AKR1C8: variants seen among roughly 807,000 people sequenced by gnomAD.
AKR1C8 encodes the protein aldo-keto reductase family 1 member C8.
chr10:5,117,188 C>A, the AKR1C8 span, among the ~76,000 whole-genome samples: 2 of 150,940 alleles, frequency 1.3e-5, no homozygotes, highest in Non-Finnish European at 2.9e-5. Context: ...CATGAGTCTA[C>A]AAAATAGCCA....
chr10:5,172,880 T>C, the AKR1C8 span, among the ~76,000 whole-genome samples: 1 of 152,142 alleles, frequency 6.6e-6, no homozygotes, highest in Non-Finnish European at 1.5e-5. Flanking sequence ...GAAGAAGATC[T>C]AGTAGTTATA....
chr10:5,116,133 G>A, the AKR1C8 span, among the ~76,000 whole-genome samples: 9 of 152,170 alleles, frequency 5.9e-5, no homozygotes, highest in South Asian at 4.1e-4. Flanking sequence ...ACTAAGCGAC[G>A]CCCTAATGCA....
chr10:5,170,901 A>C, the AKR1C8 span, among the ~76,000 whole-genome samples: 10 of 152,166 alleles, frequency 6.6e-5, no homozygotes, highest in Non-Finnish European at 1.3e-4. Context: ...TTTGGAGAAA[A>C]TCAGGTAGAC....
chr10:5,167,596 G>A, the AKR1C8 span, among the ~76,000 whole-genome samples: 1 of 152,162 alleles, frequency 6.6e-6, no homozygotes, highest in Non-Finnish European at 1.5e-5. Flanking sequence ...AGAACACATG[G>A]ACACAGGAAG....
At chr10:5,131,142 A>G in the AKR1C8 span, among the ~76,000 whole-genome samples, 1 of 152,070 alleles carries the variant, frequency 6.6e-6, no homozygotes, top group African/African-American at 2.4e-5. Flanking sequence ...TAGAAGAATG[A>G]AACTGGATAC....
chr10:5,138,642 A>G, the AKR1C8 span, among the ~76,000 whole-genome samples: 3 of 152,188 alleles, frequency 2.0e-5, no homozygotes, highest in Non-Finnish European at 2.9e-5. Context: ...GGCATAAGAA[A>G]TTATAAAAGT....
chr10:5,179,609 G>A, the AKR1C8 span, among the ~76,000 whole-genome samples: 4 of 145,836 alleles, frequency 2.7e-5, no homozygotes, highest in South Asian at 4.3e-4. Flanking sequence ...ATCACTTTCA[G>A]GTACACCAAT....
chr10:5,130,201 C>G, the AKR1C8 span, among the ~76,000 whole-genome samples: 1 of 151,666 alleles, frequency 6.6e-6, no homozygotes, highest in Admixed American at 6.6e-5. Flanking sequence ...GCAAAAAAAG[C>G]AATTGGTAAA....
At chr10:5,120,296 C>G in the AKR1C8 span, among the ~76,000 whole-genome samples, 1 of 152,120 alleles carries the variant, frequency 6.6e-6, no homozygotes, top group African/African-American at 2.4e-5. Flanking sequence ...TGGCTCTCAG[C>G]TCTGAAGGCT....
chr10:5,121,015 T>C, the AKR1C8 span, among the ~76,000 whole-genome samples: 59,612 of 151,888 alleles, frequency 0.39, 12,508 homozygotes, highest in Non-Finnish European at 0.43. Context: ...GAATTTTAAG[T>C]TAATATGCTC....
the AKR1C8 span, among the ~76,000 whole-genome samples, chr10:5,161,053 G>A: frequency 3.3e-5 from 5 of 152,138 alleles, no homozygotes; most frequent in African/African-American, 9.7e-5. Context: ...GTGCATGTGT[G>A]TATATATATG....
chr10:5,166,026 C>A, the AKR1C8 span, among the ~76,000 whole-genome samples: 6 of 151,946 alleles, frequency 3.9e-5, no homozygotes, highest in African/African-American at 1.5e-4. Context: ...AGTGGGACAC[C>A]CTTTCTATCT....
At chr10:5,120,823 G>C in the AKR1C8 span, among the ~76,000 whole-genome samples, 13 of 152,042 alleles carry the variant, frequency 8.6e-5, no homozygotes, top group African/African-American at 2.7e-4. Flanking sequence ...TTCTGAAATA[G>C]TCATATTTTT....
At chr10:5,124,367 T>C in the AKR1C8 span, among the ~76,000 whole-genome samples, 1 of 152,166 alleles carries the variant, frequency 6.6e-6, no homozygotes, top group African/African-American at 2.4e-5. Flanking sequence ...CTGATGGTGA[T>C]TATTGCAGTA....
the AKR1C8 span, among the ~76,000 whole-genome samples, chr10:5,138,108 C>G: frequency 0.27 from 40,202 of 148,362 alleles, 6,424 homozygotes; most frequent in Non-Finnish European, 0.35. Flanking sequence ...ACATCTTACA[C>G]AACAGAAAAC....
At chr10:5,179,046 G>C in the AKR1C8 span, among the ~76,000 whole-genome samples, 1 of 152,084 alleles carries the variant, frequency 6.6e-6, no homozygotes, top group Non-Finnish European at 1.5e-5. Context: ...TATTTTGCTC[G>C]TTAGTTGATG....
the AKR1C8 span, among the ~76,000 whole-genome samples, chr10:5,180,152 A>G: frequency 0.54 from 82,543 of 151,966 alleles, 23,304 homozygotes; most frequent in Non-Finnish European, 0.6. Flanking sequence ...ATGGGCTTTT[A>G]GTGTGGATGT....
chr10:5,126,273 C>T, the AKR1C8 span, among the ~76,000 whole-genome samples: 1 of 152,166 alleles, frequency 6.6e-6, no homozygotes, highest in Non-Finnish European at 1.5e-5. Flanking sequence ...GACTGCATCC[C>T]CACAGGAGGA....
chr10:5,143,327 C>A, the AKR1C8 span, among the ~76,000 whole-genome samples: 1 of 152,100 alleles, frequency 6.6e-6, no homozygotes, highest in African/African-American at 2.4e-5. Context: ...CGAGTGCCTT[C>A]TACCCCTGGA....
Sources: allele counts gnomAD v4.1 joint callset (sites outside exome capture counted in the v4.1 genomes callset), GRCh38; gene constraint gnomAD v4.1.1; transcripts MANE v1.5; gene names NCBI Gene and HGNC (gene_info 2026-07-23, HGNC 2026-07-21).